Variants in MTHFD2 observed in about 807,000 individuals in gnomAD.
The protein encoded by MTHFD2 is bifunctional methylenetetrahydrofolate dehydrogenase/cyclohydrolase, mitochondrial.
Under a neutral mutation model 36.8 loss-of-function variants are expected in MTHFD2, and 26 were observed. The ratio of observed to expected loss-of-function variants is 0.71; its 90% confidence interval spans 0.52 to 0.98. MTHFD2 has a LOEUF of 0.98. Among genes scored for constraint, MTHFD2 ranks in the 50% least tolerant of loss-of-function variants. The pLI, the probability that MTHFD2 is intolerant of heterozygous loss-of-function variation, is 0.00. For synonymous variants in MTHFD2, 164 were observed against 155.2 expected, an observed-to-expected ratio of 1.06 and a Z score of -0.42; for missense variants, 373 against 434.0, an observed-to-expected ratio of 0.86 and a Z score of 1.25.
intron 7 of MTHFD2, 57 bp from the exon 8 acceptor site, chr2:74,214,022 G>A: frequency 1.3e-6 from 2 of 1,543,090 alleles, no homozygotes. Flanking sequence ...ATATATTAAA[G>A]TACACACATG....
intron 1 of MTHFD2, among the ~76,000 whole-genome samples, chr2:74,199,820 A>G (rs1317185303): frequency 1.3e-5 from 2 of 152,014 alleles, no homozygotes. Flanking sequence ...CTCTGTTTGC[A>G]TTTTTGGGTT....
Position 74,214,261 on chromosome 2 carries a change from C to G in MTHFD2, c.*19C>G. ...TAATTAACTACTGTGTCTTCTGTGTCACAAACAGCACTCCAGGCCAGCTCA... is the reference window on the plus strand; with the variant it reads ...TAATTAACTACTGTGTCTTCTGTGTGACAAACAGCACTCCAGGCCAGCTCA... On this transcript the variant is annotated 3_prime_UTR_variant, in exon 8 of 8. Transcript: ENST00000394053. 6.2e-7 allele frequency: 1 copy of G among 1,611,058 alleles called. No individual in the cohort carries two copies. The highest frequency in any genetic ancestry group is 8.5e-7 in the Non-Finnish European group (1 of 1,178,286).
chr2:74,207,918 C>T, intron 3 of MTHFD2, 92 bp downstream of exon 3: 1 of 1,287,686 alleles, frequency 7.8e-7, no homozygotes, highest in Non-Finnish European at 1.1e-6. Context: ...CCCCCTCCTC[C>T]TCCCTCTCCT....
chr2:74,210,200 A>G lies in MTHFD2; in HGVS notation c.670+151A>G, dbSNP rs552576848. The G allele has an allele frequency of 5.2e-4, 263 of 501,076 alleles. 3 individuals carry two copies. Among genetic ancestry groups the G allele is most frequent in the South Asian group, 5.1e-3 (146 of 28,458 alleles). 31.0% of individuals were successfully genotyped at this position (501,076 alleles called of 1,614,324 possible). On this transcript the variant is annotated intron_variant, in intron 5 of 7. Transcript: ENST00000394053. Reference sequence around the variant, plus strand: ...AGACAATTCAGGGAGTAACCTTTGTAGAGAAGCTGCACCCAGTGTCACCTG... The same window carrying G: ...AGACAATTCAGGGAGTAACCTTTGTGGAGAAGCTGCACCCAGTGTCACCTG...
chr2:74,207,540 T>C (rs1485850246), intron 2 of MTHFD2, among the ~76,000 whole-genome samples, 164 bp from the exon 3 acceptor site: 1 of 152,210 alleles, frequency 6.6e-6, no homozygotes, highest in Non-Finnish European at 1.5e-5. Context: ...TTCTCTGGTG[T>C]ATATATTTGT....
chr2:74,205,467 C>A (rs1289766413), intron 1 of MTHFD2, among the ~76,000 whole-genome samples: 1 of 152,028 alleles, frequency 6.6e-6, no homozygotes, highest in African/African-American at 2.4e-5. Context: ...TGATTTCTAT[C>A]AACTTTATCC....
At position 74,215,006 on chromosome 2, in the gene MTHFD2, A is replaced by T. The variant is rs1329310901; in HGVS notation, c.*764A>T. 6.6e-6 allele frequency: 1 copy of T among 152,558 alleles called. No individual in the cohort carries two copies. The highest frequency in any genetic ancestry group is 1.5e-5 in the Non-Finnish European group (1 of 68,026). The allele number at this position is 152,558 out of a possible 1,614,324, so 9.5% of individuals were successfully genotyped here. A position where few individuals can be genotyped will look rare whatever the true frequency, so the allele number is the denominator to read the frequency against. On this transcript the variant is annotated 3_prime_UTR_variant, in exon 8 of 8. Transcript: ENST00000394053. ...GGCTTTTGCTATATACTTTAACTTC[A>T]TTGTTAAATTTTTGTATTGTATAGT...
chr2:74,203,335 T>G (rs1309295316), intron 1 of MTHFD2, among the ~76,000 whole-genome samples: 2 of 152,194 alleles, frequency 1.3e-5, no homozygotes, highest in Non-Finnish European at 2.9e-5. Flanking sequence ...CTTCACAAGA[T>G]GCAATACAGA....
chr2:74,203,945 T>C (rs1456894658), intron 1 of MTHFD2, among the ~76,000 whole-genome samples: 1 of 141,492 alleles, frequency 7.1e-6, no homozygotes, highest in African/African-American at 2.6e-5. Context: ...ATGCAGTCTT[T>C]CTCTGTCGCC....
chr2:74,207,094 C>T (rs1289616668), intron 2 of MTHFD2, among the ~76,000 whole-genome samples: 1 of 151,898 alleles, frequency 6.6e-6, no homozygotes, highest in African/African-American at 2.4e-5. Context: ...GATTTTGGAA[C>T]CAGAAAGACT....
At chr2:74,211,393 C>T in intron 6 of MTHFD2, 102 bp downstream of exon 6, 1 of 724,640 alleles carries the variant, frequency 1.4e-6, no homozygotes, top group Non-Finnish European at 2.3e-6. Context: ...CATCATTCCC[C>T]TTGTAATGAT....
intron 1 of MTHFD2, among the ~76,000 whole-genome samples, chr2:74,205,341 T>C (rs1244201916): frequency 6.6e-6 from 1 of 152,166 alleles, no homozygotes; most frequent in African/African-American, 2.4e-5. Flanking sequence ...AAACACTTAG[T>C]AATGATCAGG....
In MTHFD2 at chr2:74,207,690, A is replaced by T; in HGVS notation, c.287-14A>T. The T allele has an allele frequency of 6.3e-7, 1 of 1,591,432 alleles. No homozygotes were observed. Among genetic ancestry groups the T allele is most frequent in the Non-Finnish European group, 8.6e-7 (1 of 1,163,462 alleles). On this transcript the variant is annotated splice_polypyrimidine_tract_variant and intron_variant, in intron 2 of 7. Coordinates refer to ENST00000394053, the MANE Select transcript of MTHFD2 (RefSeq NM_006636.4). ...CCTCAAAAATTTTTTTAACCTCAAA[A>T]TTTCTTATAATAGGAATCAACAGTG...
chr2:74,214,116 T>A lies in MTHFD2; in HGVS notation c.927T>A (p.Pro309=), dbSNP rs116108990. 742 of 1,614,130 alleles carry A rather than the reference T, an allele frequency of 4.6e-4. 5 individuals are homozygous for A. In the African/African-American group the frequency reaches 9.0e-3, roughly 19 times the overall value. Residue 309 remains proline, a synonymous_variant, in exon 8 of 8, where the codon CCT becomes CCA. Transcript: ENST00000394053. ...RQKAGYITPV[P]GGVGPMTVAM... ...AAGCTGGGTATATCACTCCAGTTCC[T>A]GGAGGTGTTGGCCCCATGACAGTGG...
rs1185979990 is a variant in MTHFD2, at chr2:74,208,715, C to T, written c.556C>T (p.Arg186Ter). ...TPWGVWEIIK[R>*]TGIPTLGKNV... Reference sequence around the variant, plus strand: ...ATGGGGTGTGTGGGAAATAATCAAGCGAACTGGTAGGTATATCCCAGAATT... The same window carrying T: ...ATGGGGTGTGTGGGAAATAATCAAGTGAACTGGTAGGTATATCCCAGAATT... The change falls in exon 4 of 8, where the codon CGA becomes TGA. Residue 186 changes from arginine to a stop codon, truncating the protein, a stop_gained. Coordinates refer to ENST00000394053, the MANE Select transcript of MTHFD2 (RefSeq NM_006636.4). LOFTEE classifies it high-confidence loss of function. 3.1e-6 allele frequency: 5 copies of T among 1,613,528 alleles called. No homozygotes were observed. The highest frequency in any genetic ancestry group is 1.6e-4 in the Middle Eastern group (1 of 6,082).
intron 1 of MTHFD2, among the ~76,000 whole-genome samples, chr2:74,205,132 T>A (rs1424576377): frequency 6.6e-6 from 1 of 152,198 alleles, no homozygotes; most frequent in Non-Finnish European, 1.5e-5. Flanking sequence ...CTATATTGTT[T>A]GTTTATTCAA....
chr2:74,199,403 G>C (rs1391376730), intron 1 of MTHFD2, among the ~76,000 whole-genome samples: 1 of 152,204 alleles, frequency 6.6e-6, no homozygotes, highest in Non-Finnish European at 1.5e-5. Context: ...CATCCGGGAG[G>C]CTCCCAGGGC....
chr2:74,212,466 C>T (rs1572990564), intron 7 of MTHFD2, among the ~76,000 whole-genome samples: 1 of 151,800 alleles, frequency 6.6e-6, no homozygotes. Flanking sequence ...CGGGGTTTCA[C>T]CATGTTGGCC....
At chr2:74,209,266 G>A (rs568679117) in intron 4 of MTHFD2, among the ~76,000 whole-genome samples, 1 of 144,300 alleles carries the variant, frequency 6.9e-6, no homozygotes, top group Non-Finnish European at 1.5e-5. Flanking sequence ...TTTTTGAGAC[G>A]GAGTCTTGCT....
Sources: allele counts gnomAD v4.1 joint callset (sites outside exome capture counted in the v4.1 genomes callset), GRCh38; gene constraint gnomAD v4.1.1; transcripts MANE v1.5; gene names NCBI Gene and HGNC (gene_info 2026-07-23, HGNC 2026-07-21).